The following PLCL1 variants were observed in gnomAD, a reference collection of about 807,000 sequenced individuals.
PLCL1 encodes inactive phospholipase C-like protein 1.
A neutral mutation model predicts 84.4 loss-of-function variants in PLCL1; 41 were observed. The observed-to-expected ratio is 0.49, with a 90% CI of 0.38 to 0.63. The LOEUF is 0.63. PLCL1 is among the 30% of genes least tolerant of loss of function. The pLI is 0.00. For synonymous variants in PLCL1, 490 were observed against 488.3 expected, an observed-to-expected ratio of 1.00 and a Z score of -0.05; for missense variants, 1,206 against 1,367.8, an observed-to-expected ratio of 0.88 and a Z score of 1.87.
chr2:197,968,571 A>G (rs1689795405), intron 1 of PLCL1, among the ~76,000 whole-genome samples: 1 of 152,210 alleles, frequency 6.6e-6, no homozygotes, highest in South Asian at 2.1e-4. Flanking sequence ...TTTGCATTGA[A>G]GGGCTTCCAG....
chr2:198,146,897 A>G lies in PLCL1; in HGVS notation c.3223A>G (p.Lys1075Glu). Residue 1075 changes from lysine to glutamate, a missense_variant, in exon 6 of 6, where the codon AAG (lysine) becomes GAG (glutamate). Coordinates refer to ENST00000428675, the MANE Select transcript of PLCL1 (RefSeq NM_006226.4). ...AGCCCCCAGCAGCAGTGCTGAGGCC[A>G]AGAGCAAGCGCAGCCTGGAAGCCAT... ...SKAPSSSAEA[K>E]SKRSLEAIEE... The G allele has an allele frequency of 6.2e-7, 1 of 1,613,452 alleles. No individual in the cohort carries two copies. Among genetic ancestry groups the G allele is most frequent in the Non-Finnish European group, 8.5e-7 (1 of 1,179,602 alleles).
intron 1 of PLCL1, among the ~76,000 whole-genome samples, chr2:197,864,344 T>C (rs184766584): frequency 6.6e-6 from 1 of 151,102 alleles, no homozygotes; most frequent in Admixed American, 6.6e-5. Context: ...TCATGTCAAC[T>C]CTTTCTTTTT....
At chr2:198,075,338 G>T (rs1356006965) in intron 1 of PLCL1, among the ~76,000 whole-genome samples, 2 of 152,204 alleles carry the variant, frequency 1.3e-5, no homozygotes, top group Non-Finnish European at 2.9e-5. Context: ...ACTGATAGCC[G>T]CAAGTCGTTC....
intron 1 of PLCL1, among the ~76,000 whole-genome samples, chr2:198,066,183 T>C (rs935443316): frequency 1.3e-5 from 2 of 152,188 alleles, no homozygotes; most frequent in African/African-American, 4.8e-5. Context: ...CTGCCTTCTT[T>C]CCTTAAGTTA....
At chr2:198,106,056 G>T (rs1574316368) in intron 5 of PLCL1, among the ~76,000 whole-genome samples, 1 of 151,844 alleles carries the variant, frequency 6.6e-6, no homozygotes, top group Non-Finnish European at 1.5e-5. Context: ...GTTTTATGAG[G>T]TTTATATGAA....
intron 1 of PLCL1, among the ~76,000 whole-genome samples, chr2:197,840,970 T>C (rs1457434103): frequency 6.6e-6 from 1 of 152,162 alleles, no homozygotes; most frequent in Non-Finnish European, 1.5e-5. Context: ...TCCTGGAAAG[T>C]AGTTAAATTT....
intron 5 of PLCL1, among the ~76,000 whole-genome samples, chr2:198,142,257 A>C (rs1462567557): frequency 6.6e-6 from 1 of 152,150 alleles, no homozygotes; most frequent in Non-Finnish European, 1.5e-5. Flanking sequence ...ACCCTATTTT[A>C]TGGTTAGGAT....
chr2:198,097,354 TA>T lies in PLCL1; in HGVS notation c.2920-3929del, dbSNP rs1397348690. Among the ~76,000 whole-genome samples the T allele has an allele frequency of 2.0e-5, 3 of 152,190 alleles. No individual in the cohort carries two copies. In the East Asian group the frequency reaches 5.8e-4, roughly 29 times the overall value. ...CATGGATATCAGAGATACATATCCA[TA>T]AGCAAGTATTTCAGGTTGGCTTTTT... On this transcript the variant is annotated intron_variant, in intron 3 of 5. Transcript: ENST00000428675.
At position 198,046,227 on chromosome 2, in the gene PLCL1, C is replaced by G. The variant is rs1270137845; in HGVS notation, c.241-37531C>G. Among the ~76,000 whole-genome samples, 3 of 152,078 alleles carry G rather than the reference C, an allele frequency of 2.0e-5. No individual in the cohort carries two copies. In the East Asian group the frequency reaches 5.8e-4, roughly 29 times the overall value. ...AGAGGAGCTATCTAGACTGCGAAGC[C>G]TAAAATATTAGTATCTAGCTCTTTA... On this transcript the variant is annotated intron_variant, in intron 1 of 5. Transcript: ENST00000428675.
intron 1 of PLCL1, among the ~76,000 whole-genome samples, chr2:197,835,347 C>G (rs1016744090): frequency 6.6e-6 from 1 of 152,060 alleles, no homozygotes; most frequent in Admixed American, 6.6e-5. Context: ...CCATTTTAAC[C>G]ATTTTTAAGT....
chr2:197,978,824 C>T (rs1347775266), intron 1 of PLCL1, among the ~76,000 whole-genome samples: 4 of 152,254 alleles, frequency 2.6e-5, no homozygotes, highest in Non-Finnish European at 4.4e-5. Flanking sequence ...CATGCAGACA[C>T]GCCAGTTCAC....
At chr2:197,868,514 T>G (rs1199261113) in intron 1 of PLCL1, among the ~76,000 whole-genome samples, 1 of 152,174 alleles carries the variant, frequency 6.6e-6, no homozygotes, top group Non-Finnish European at 1.5e-5. Flanking sequence ...TACACTTTTT[T>G]TTTAAAGACA....
chr2:197,967,004 G>A (rs570247486), intron 1 of PLCL1, among the ~76,000 whole-genome samples: 2 of 151,606 alleles, frequency 1.3e-5, no homozygotes, highest in Non-Finnish European at 2.9e-5. Flanking sequence ...CCTGGGCCCT[G>A]TAGCTAGAGT....
At position 198,085,553 on chromosome 2, in the gene PLCL1, A is replaced by G; in HGVS notation, c.2036A>G (p.Asp679Gly). 2 of 1,614,008 alleles carry G rather than the reference A, an allele frequency of 1.2e-6. No individual in the cohort carries two copies. The highest frequency in any genetic ancestry group is 8.5e-7 in the Non-Finnish European group (1 of 1,179,946). ...TTTCAGACTCCGGGTCCAATGATGG[A>G]CCTTCACACGGGCTGGTTTCTTCAA... is the stretch of plus-strand genomic sequence containing the variant. ...MNFQTPGPMM[D>G]LHTGWFLQNG... The change falls in exon 2 of 6, where the codon GAC (aspartate) becomes GGC (glycine). Residue 679 changes from aspartate to glycine, a missense_variant. Transcript: ENST00000428675. The surrounding 1 kb of genome is among the most constrained non-coding windows in gnomAD (Gnocchi z 5.3).
intron 1 of PLCL1, among the ~76,000 whole-genome samples, chr2:197,970,222 G>A (rs1016530582): frequency 6.6e-6 from 1 of 152,206 alleles, no homozygotes; most frequent in Non-Finnish European, 1.5e-5. Context: ...CCTATGGTGG[G>A]AGGTAAGCAG....
At chr2:197,976,901 C>A (rs1325474398) in intron 1 of PLCL1, among the ~76,000 whole-genome samples, 1 of 152,232 alleles carries the variant, frequency 6.6e-6, no homozygotes, top group African/African-American at 2.4e-5. Context: ...TGGGCTGAAT[C>A]TTGGCTTTAT....
chr2:197,893,498 G>A (rs1362676132), intron 1 of PLCL1, among the ~76,000 whole-genome samples: 1 of 152,160 alleles, frequency 6.6e-6, no homozygotes, highest in Non-Finnish European at 1.5e-5. Context: ...TTCAAAGTGA[G>A]GTCCTTCATT....
intron 1 of PLCL1, among the ~76,000 whole-genome samples, chr2:197,882,126 AGTTC>A (rs1237360919): frequency 3.2e-4 from 48 of 152,230 alleles, no homozygotes; most frequent in Admixed American, 3.1e-3. Context: ...GTTAACCTAT[AGTTC>A]CTCAGGGCAG....
intron 1 of PLCL1, among the ~76,000 whole-genome samples, chr2:198,029,112 A>G (rs149534941): frequency 1.1e-3 from 160 of 152,290 alleles, no homozygotes; most frequent in African/African-American, 3.6e-3. Flanking sequence ...GCAGGTGTTC[A>G]AGAACTCTCT....
Sources: gnomAD v4.1 joint callset for allele counts (sites outside exome capture counted in the v4.1 genomes callset) on GRCh38, gnomAD v4.1.1 for gene constraint, Gnocchi (gnomAD v3.1) non-coding constraint, MANE v1.5 for transcripts, NCBI Gene and HGNC (gene_info 2026-07-23, HGNC 2026-07-21) for gene names.